Variants in ARHGAP15 observed in about 807,000 individuals in gnomAD.
ARHGAP15 encodes rho GTPase-activating protein 15.
Under a neutral mutation model 63.7 loss-of-function variants are expected in ARHGAP15, and 51 were observed. The observed-to-expected ratio is 0.80, with a 90% CI of 0.64 to 1.01. The LOEUF (loss-of-function observed/expected upper bound fraction) is 1.01. ARHGAP15 is among the 50% of genes least tolerant of loss of function. ARHGAP15 has a pLI of 0.00. For synonymous variants in ARHGAP15, 191 were observed against 193.8 expected (o/e 0.99, Z 0.12); for missense variants, 560 against 564.6 (o/e 0.99, Z 0.08).
At chr2:143,352,633 G>T (rs1685620975) in intron 6 of ARHGAP15, among the ~76,000 whole-genome samples, 1 of 152,088 alleles carries the variant, frequency 6.6e-6, no homozygotes, top group Admixed American at 6.6e-5. Context: ...GAGAAGTCCT[G>T]AATAAAAATA....
intron 1 of ARHGAP15, among the ~76,000 whole-genome samples, chr2:143,129,809 T>G (rs569566075): frequency 3.8e-4 from 58 of 152,304 alleles, no homozygotes; most frequent in African/African-American, 1.3e-3. Flanking sequence ...TAACCAACTG[T>G]TTTATAAAAA....
At chr2:143,360,022 A>C (rs1685971275) in intron 6 of ARHGAP15, among the ~76,000 whole-genome samples, 1 of 152,116 alleles carries the variant, frequency 6.6e-6, no homozygotes, top group Admixed American at 6.6e-5. Context: ...TTTTGTTCTC[A>C]GGTGAGAAAA....
intron 9 of ARHGAP15, among the ~76,000 whole-genome samples, chr2:143,517,429 C>T (rs1693869959): frequency 6.6e-6 from 1 of 152,156 alleles, no homozygotes. Flanking sequence ...TTTTATGCTG[C>T]ATTATTATTC....
At chr2:143,472,577 T>C (rs919130977) in intron 8 of ARHGAP15, among the ~76,000 whole-genome samples, 11 of 152,174 alleles carry the variant, frequency 7.2e-5, no homozygotes, top group Admixed American at 6.5e-4. Context: ...TCATATCCTC[T>C]TTCTGTTTAG....
chr2:143,193,501 G>C (rs1362608226), intron 2 of ARHGAP15: 1 of 152,678 alleles, frequency 6.5e-6, no homozygotes, highest in Non-Finnish European at 1.5e-5. Flanking sequence ...CAGAAGGTGA[G>C]TTTAGGGTCT....
chr2:143,635,906 G>T (rs569502317), intron 12 of ARHGAP15, among the ~76,000 whole-genome samples: 2 of 151,962 alleles, frequency 1.3e-5, no homozygotes, highest in East Asian at 3.9e-4. Context: ...CTTTTCATTG[G>T]CTTATTTATA....
intron 2 of ARHGAP15, among the ~76,000 whole-genome samples, chr2:143,173,329 TA>T (rs34325335): frequency 1.3e-5 from 2 of 152,098 alleles, no homozygotes; most frequent in African/African-American, 4.8e-5. Context: ...TATGTTTTGA[TA>T]AAAACTAAGC....
At chr2:143,324,152 T>A (rs1684151241) in intron 6 of ARHGAP15, among the ~76,000 whole-genome samples, 1 of 152,082 alleles carries the variant, frequency 6.6e-6, no homozygotes, top group Non-Finnish European at 1.5e-5. Context: ...GCATTATAAA[T>A]GCACCCACAT....
At chr2:143,463,290 C>G (rs147905506) in intron 8 of ARHGAP15, among the ~76,000 whole-genome samples, 2,683 of 151,974 alleles carry the variant, frequency 0.018, 39 homozygotes, top group African/African-American at 0.041. Flanking sequence ...GCCTGTAATC[C>G]CAGCACTTTG....
chr2:143,295,360 A>C (rs145680470), intron 6 of ARHGAP15: 1 of 152,194 alleles, frequency 6.6e-6, no homozygotes, highest in East Asian at 1.9e-4. Flanking sequence ...TGTCCAAGTC[A>C]TGTGGGCTCA....
intron 6 of ARHGAP15, among the ~76,000 whole-genome samples, chr2:143,334,100 C>T (rs1057238357): frequency 6.6e-6 from 1 of 152,248 alleles, no homozygotes; most frequent in African/African-American, 2.4e-5. Context: ...AAGCAGGATC[C>T]TAGTTGAAGC....
intron 8 of ARHGAP15, among the ~76,000 whole-genome samples, chr2:143,484,347 C>CAG (rs942912223): frequency 7.7e-6 from 1 of 130,682 alleles, no homozygotes; most frequent in Non-Finnish European, 1.6e-5. Context: ...GCGTGGGCAA[C>CAG]AGAGAGAGAC....
chr2:143,165,829 G>C (rs1690476372), intron 2 of ARHGAP15, among the ~76,000 whole-genome samples: 1 of 151,832 alleles, frequency 6.6e-6, no homozygotes, highest in African/African-American at 2.4e-5. Flanking sequence ...CTTTTACCAT[G>C]AATTATTGAC....
chr2:143,205,255 TAAA>T (rs71301732), intron 3 of ARHGAP15, among the ~76,000 whole-genome samples: 5 of 85,424 alleles, frequency 5.9e-5, no homozygotes, highest in African/African-American at 8.2e-5. Flanking sequence ...CAGAGAGAGA[TAAA>T]AAAAAAAAAA....
chr2:143,258,547 A>T (rs918259415), intron 6 of ARHGAP15, among the ~76,000 whole-genome samples: 1 of 152,134 alleles, frequency 6.6e-6, no homozygotes, highest in Non-Finnish European at 1.5e-5. Flanking sequence ...AAAAAAATTC[A>T]AAAGGATATA....
intron 6 of ARHGAP15, among the ~76,000 whole-genome samples, chr2:143,379,487 A>ATATATATGTGTG (rs1202571594): frequency 7.7e-6 from 1 of 129,764 alleles, no homozygotes; most frequent in African/African-American, 2.9e-5. Flanking sequence ...AGGCATATAT[A>ATATATATGTGTG]TGTGTGTGTG....
At chr2:143,755,269 A>T (rs1422812031) in intron 13 of ARHGAP15, among the ~76,000 whole-genome samples, 2 of 126,286 alleles carry the variant, frequency 1.6e-5, no homozygotes, top group Admixed American at 7.3e-5. Context: ...CTTTGCCAGC[A>T]TATATGGGGG....
intron 11 of ARHGAP15, among the ~76,000 whole-genome samples, chr2:143,580,786 C>A (rs965525773): frequency 1.3e-5 from 2 of 151,988 alleles, no homozygotes; most frequent in Admixed American, 1.3e-4. Flanking sequence ...CTAATTCATG[C>A]ACTTGTGCCT....
intron 6 of ARHGAP15, among the ~76,000 whole-genome samples, chr2:143,380,533 T>G (rs1687017015): frequency 6.6e-6 from 1 of 152,122 alleles, no homozygotes; most frequent in African/African-American, 2.4e-5. Context: ...TATAATAAAT[T>G]TTCTCCATTT....
Sources: gnomAD v4.1 joint callset for allele counts (sites outside exome capture counted in the v4.1 genomes callset) on GRCh38, gnomAD v4.1.1 for gene constraint, MANE v1.5 for transcripts, NCBI Gene and HGNC (gene_info 2026-07-23, HGNC 2026-07-21) for gene names.